The following ADAM12 variants were observed in gnomAD, a reference collection of about 807,000 sequenced individuals.
ADAM12 encodes disintegrin and metalloproteinase domain-containing protein 12.
ADAM12 carries 70 observed loss-of-function variants against 106.4 expected under a neutral mutation model. The ratio of observed to expected loss-of-function variants is 0.66; its 90% CI spans 0.54 to 0.80. The LOEUF (loss-of-function observed/expected upper bound fraction) is 0.80. ADAM12 is among the 30% of genes least tolerant of loss of function. The pLI, the probability that ADAM12 is intolerant of heterozygous loss-of-function variation, is 0.00. For synonymous variants in ADAM12, 420 were observed against 433.5 expected (o/e 0.97, Z 0.39); for missense variants, 1,010 against 1,171.9 (o/e 0.86, Z 2.02).
intron 4 of ADAM12, among the ~76,000 whole-genome samples, chr10:126,141,029 G>A (rs1033127316): frequency 1.4e-4 from 21 of 152,224 alleles, no homozygotes; most frequent in African/African-American, 4.6e-4. Flanking sequence ...ACCTCTGCAC[G>A]CACTGATGCT....
intron 3 of ADAM12, among the ~76,000 whole-genome samples, chr10:126,239,229 G>T (rs1958476355): frequency 6.6e-6 from 1 of 152,158 alleles, no homozygotes; most frequent in African/African-American, 2.4e-5. Context: ...CTAGATAACA[G>T]GTGGGATATG....
intron 6 of ADAM12, among the ~76,000 whole-genome samples, chr10:126,112,427 G>A (rs560092171): frequency 6.6e-6 from 1 of 151,990 alleles, no homozygotes; most frequent in Non-Finnish European, 1.5e-5. Context: ...ATTTTGGGGG[G>A]TTATGAACAA....
intron 8 of ADAM12, among the ~76,000 whole-genome samples, chr10:126,102,874 T>C (rs1314894661): frequency 6.6e-6 from 1 of 152,178 alleles, no homozygotes; most frequent in African/African-American, 2.4e-5. Context: ...TGCTGTCCAC[T>C]GAGAGATTAC....
At chr10:126,228,030 C>T (rs1214947624) in intron 3 of ADAM12, among the ~76,000 whole-genome samples, 1 of 152,092 alleles carries the variant, frequency 6.6e-6, no homozygotes, top group African/African-American at 2.4e-5. Context: ...TGGAGACGAG[C>T]TTCCAGAAGC....
At chr10:126,215,704 C>A (rs1346686913) in intron 3 of ADAM12, among the ~76,000 whole-genome samples, 1 of 152,116 alleles carries the variant, frequency 6.6e-6, no homozygotes, top group Non-Finnish European at 1.5e-5. Context: ...AGTTCAAATG[C>A]AAAACTGAAG....
At chr10:126,079,898 C>T (rs190715654) in intron 11 of ADAM12, among the ~76,000 whole-genome samples, 14 of 152,296 alleles carry the variant, frequency 9.2e-5, no homozygotes, top group African/African-American at 3.1e-4. Flanking sequence ...ACTGCTATGG[C>T]TCACTTAGCC....
intron 11 of ADAM12, among the ~76,000 whole-genome samples, chr10:126,081,585 C>T (rs1704878863): frequency 2.0e-5 from 3 of 152,178 alleles, no homozygotes. Context: ...TCTTCTTTAC[C>T]TGGGCGTGTG....
chr10:126,230,266 CCT>C (rs1309251688), intron 3 of ADAM12, among the ~76,000 whole-genome samples: 1 of 152,132 alleles, frequency 6.6e-6, no homozygotes, highest in Non-Finnish European at 1.5e-5. Context: ...TCTACCCGCC[CCT>C]CACACCTTAT....
At chr10:126,367,543 A>G (rs1177293428) in intron 1 of ADAM12, among the ~76,000 whole-genome samples, 1 of 151,468 alleles carries the variant, frequency 6.6e-6, no homozygotes, top group Non-Finnish European at 1.5e-5. Flanking sequence ...CTAGAAGAAA[A>G]GCAACAATAA....
intron 6 of ADAM12, among the ~76,000 whole-genome samples, chr10:126,117,183 C>T (rs1240925486): frequency 6.6e-6 from 1 of 152,220 alleles, no homozygotes; most frequent in Non-Finnish European, 1.5e-5. Flanking sequence ...GAACGATTGC[C>T]TTTAATCCTT....
intron 1 of ADAM12, among the ~76,000 whole-genome samples, chr10:126,338,762 G>T (rs994373656): frequency 2.0e-5 from 3 of 152,130 alleles, no homozygotes; most frequent in Non-Finnish European, 4.4e-5. Context: ...ATTCTTCAAT[G>T]CTTACCTTGC....
chr10:126,029,158 T>C (rs1953931060), intron 21 of ADAM12, among the ~76,000 whole-genome samples: 1 of 152,204 alleles, frequency 6.6e-6, no homozygotes, highest in Non-Finnish European at 1.5e-5. Flanking sequence ...GAGTGTAAAT[T>C]AGTTCAACCA....
At chr10:126,087,840 C>T (rs1452797218) in intron 11 of ADAM12, among the ~76,000 whole-genome samples, 1 of 152,106 alleles carries the variant, frequency 6.6e-6, no homozygotes, top group African/African-American at 2.4e-5. Context: ...AATTGCAGTT[C>T]ATTTTACCCT....
rs1438703055 is a variant in ADAM12, at chr10:126,108,603, T to C, written c.731A>G (p.His244Arg). Reference sequence around the variant, plus strand: ...TGAAAAAGAACTTACCTTGTCAACGTGATTAGCAATCTCTATTAATCGCTG... The same window carrying C: ...TGAAAAAGAACTTACCTTGTCAACGCGATTAGCAATCTCTATTAATCGCTG... Reference protein sequence around the residue: ...VKQRLIEIANHVDKFYRPLNI... With the variant: ...VKQRLIEIANRVDKFYRPLNI... The change falls in exon 8 of 23, where the codon CAC becomes CGC. Residue 244 changes from histidine to arginine, a missense_variant. His to Arg is a conservative substitution (Grantham distance 29). Transcript: ENST00000448723. The C allele has an allele frequency of 6.2e-7, 1 of 1,613,988 alleles. No homozygotes were observed. The highest frequency in any genetic ancestry group is 8.5e-7 in the Non-Finnish European group (1 of 1,179,788).
chr10:126,035,563 C>T (rs908571303), intron 21 of ADAM12, among the ~76,000 whole-genome samples: 10 of 152,058 alleles, frequency 6.6e-5, no homozygotes, highest in South Asian at 2.1e-4. Context: ...GTGATTATCT[C>T]CTACTTATTT....
intron 5 of ADAM12, among the ~76,000 whole-genome samples, chr10:126,131,634 G>T (rs1182499485): frequency 6.6e-6 from 1 of 152,102 alleles, no homozygotes; most frequent in Non-Finnish European, 1.5e-5. Flanking sequence ...GAGAGGTCAC[G>T]TGAGCACACA....
At chr10:126,205,342 A>C (rs1012919501) in intron 3 of ADAM12, among the ~76,000 whole-genome samples, 3 of 152,242 alleles carry the variant, frequency 2.0e-5, no homozygotes, top group South Asian at 2.1e-4. Flanking sequence ...AAAAAAAAAA[A>C]AACAACCAAC....
chr10:126,156,247 C>T (rs1481817111), intron 3 of ADAM12, among the ~76,000 whole-genome samples: 1 of 152,166 alleles, frequency 6.6e-6, no homozygotes, highest in Non-Finnish European at 1.5e-5. Flanking sequence ...CAGAGTCCTT[C>T]TGAGGCAGGA....
At chr10:126,254,152 C>A (rs1020327359) in intron 3 of ADAM12, among the ~76,000 whole-genome samples, 1 of 152,296 alleles carries the variant, frequency 6.6e-6, no homozygotes, top group Admixed American at 6.5e-5. Flanking sequence ...GTGTTCAGCT[C>A]TCAGCCATTA....
Sources: gnomAD v4.1 joint callset for allele counts (sites outside exome capture counted in the v4.1 genomes callset) on GRCh38, gnomAD v4.1.1 for gene constraint, MANE v1.5 for transcripts, NCBI Gene and HGNC (gene_info 2026-07-23, HGNC 2026-07-21) for gene names.